The following ATRN variants were observed in gnomAD, a reference collection of about 807,000 sequenced individuals.
The protein encoded by ATRN is attractin.
ATRN carries 54 observed loss-of-function variants against 178.7 expected under a neutral mutation model. The observed-to-expected ratio is 0.30, with a 90% CI of 0.24 to 0.38. The LOEUF is 0.38. Among genes scored for constraint, ATRN ranks in the 10% least tolerant of loss-of-function variants. The pLI, the probability that ATRN is intolerant of heterozygous loss-of-function variation, is 1.00. For missense variants in ATRN, 1,443 were observed against 1,815.1 expected (o/e 0.79, Z 3.73); for synonymous variants, 636 against 663.0 (o/e 0.96, Z 0.63).
chr20:3,578,687 A>G lies in ATRN; in HGVS notation c.2459A>G (p.Asn820Ser), dbSNP rs775375659. 1.6e-4 allele frequency: 254 copies of G among 1,614,052 alleles called. 1 individual carries two copies. Among genetic ancestry groups the G allele is most frequent in the Admixed American group, 9.8e-4 (59 of 60,008 alleles). Residue 820 changes from asparagine (N) to serine (S), a missense_variant, in exon 15 of 29, where the codon AAT becomes AGT. Coordinates refer to ENST00000262919, the MANE Select transcript of ATRN (RefSeq NM_139321.3). The stretch of plus-strand genomic sequence containing the variant: ...GCTAAATTGTTCTGTAGGAACCACA[A>G]TGCCCTTTTGGCTTCTCTTACAACC... ...DNAKLFCRNH[N>S]ALLASLTTQK... is the part of the protein sequence containing the mutation.
chr20:3,644,332 C>A, intron 28 of ATRN, 64 bp downstream of exon 28: 1 of 1,326,472 alleles, frequency 7.5e-7, no homozygotes, highest in Non-Finnish European at 1.1e-6. Context: ...GCATGGGATA[C>A]TTCCCTTTCC....
intron 1 of ATRN, among the ~76,000 whole-genome samples, chr20:3,529,526 G>C (rs1441078693): frequency 6.6e-6 from 1 of 152,178 alleles, no homozygotes; most frequent in African/African-American, 2.4e-5. Flanking sequence ...ACAATACTTA[G>C]AAAAGTTATG....
chr20:3,584,509 T>G (rs1296657608), intron 17 of ATRN, 138 bp from the exon 18 acceptor site: 3 of 689,578 alleles, frequency 4.4e-6, no homozygotes, highest in South Asian at 3.9e-5. Flanking sequence ...GCTCTTTACA[T>G]TCATTATCTC....
At chr20:3,643,076 TG>T (rs2146327733) in intron 27 of ATRN, among the ~76,000 whole-genome samples, 1 of 152,258 alleles carries the variant, frequency 6.6e-6, no homozygotes, top group African/African-American at 2.4e-5. Context: ...TCCTCCCTCC[TG>T]GGTCTCCCAA....
intron 1 of ATRN, among the ~76,000 whole-genome samples, chr20:3,523,649 G>T (rs1213740303): frequency 2.0e-5 from 3 of 152,168 alleles, no homozygotes; most frequent in Non-Finnish European, 4.4e-5. Flanking sequence ...AGGAAAAAGT[G>T]TTAAGGGCAG....
At chr20:3,482,087 T>C (rs1464405450) in intron 1 of ATRN, among the ~76,000 whole-genome samples, 1 of 151,894 alleles carries the variant, frequency 6.6e-6, no homozygotes, top group East Asian at 1.9e-4. Context: ...TTTTAAAAAA[T>C]GTATCCTGTT....
intron 1 of ATRN, among the ~76,000 whole-genome samples, chr20:3,523,433 G>C (rs1229109253): frequency 2.0e-5 from 3 of 152,030 alleles, no homozygotes; most frequent in Non-Finnish European, 4.4e-5. Flanking sequence ...GACCAAACCT[G>C]CGTTTGATTG....
intron 11 of ATRN, among the ~76,000 whole-genome samples, chr20:3,569,792 CA>C (rs751863948): frequency 3.9e-5 from 6 of 152,066 alleles, no homozygotes; most frequent in Non-Finnish European, 5.9e-5. Context: ...TTCTTTAAGC[CA>C]GGGGTGGTGG....
chr20:3,521,328 A>G (rs771257553), intron 1 of ATRN, among the ~76,000 whole-genome samples: 3 of 152,148 alleles, frequency 2.0e-5, no homozygotes, highest in Non-Finnish European at 4.4e-5. Context: ...TGAATCTAAA[A>G]TAAAAGTCAA....
rs781729813 is a variant in ATRN, at chr20:3,604,091, T to C, written c.3644-14T>C. 2 of 1,565,068 alleles carry C rather than the reference T, an allele frequency of 1.3e-6. No individual in the cohort carries two copies. The highest frequency in any genetic ancestry group is 1.7e-6 in the Non-Finnish European group (2 of 1,162,312). On this transcript the variant is annotated splice_polypyrimidine_tract_variant and intron_variant, in intron 23 of 28. Coordinates refer to ENST00000262919, the MANE Select transcript of ATRN (RefSeq NM_139321.3). The stretch of plus-strand genomic sequence containing the variant: ...AAAAAATGTCTCTTCTCTTTCATGT[T>C]TTTCTTTTAACAGCTGGAACCCAGG...
chr20:3,501,140 G>T (rs905347030), intron 1 of ATRN, among the ~76,000 whole-genome samples: 10 of 152,082 alleles, frequency 6.6e-5, no homozygotes, highest in Non-Finnish European at 1.5e-4. Flanking sequence ...AGCATGCATT[G>T]TTAAGTAAAA....
chr20:3,601,778 C>T (rs2086612335), intron 23 of ATRN, among the ~76,000 whole-genome samples: 1 of 146,692 alleles, frequency 6.8e-6, no homozygotes, highest in Non-Finnish European at 1.5e-5. Context: ...ATGAGAGGAT[C>T]ACTTGAGCCC....
At chr20:3,575,984 C>T (rs749800843) in intron 13 of ATRN, 36 bp downstream of exon 13, 1 of 1,606,366 alleles carries the variant, frequency 6.2e-7, no homozygotes, top group East Asian at 2.2e-5. Context: ...CAGAAAAATC[C>T]CAATTTGTCA....
At chr20:3,496,854 G>T in intron 1 of ATRN, among the ~76,000 whole-genome samples, 1 of 150,252 alleles carries the variant, frequency 6.7e-6, no homozygotes, top group Non-Finnish European at 1.5e-5. Context: ...CCTGTATTGG[G>T]TGCATATATA....
chr20:3,604,148 C>T lies in ATRN; in HGVS notation c.3687C>T (p.Thr1229=). 1 of 1,601,336 alleles carries T rather than the reference C, an allele frequency of 6.2e-7. No individual in the cohort carries two copies. Among genetic ancestry groups the T allele is most frequent in the Non-Finnish European group, 8.5e-7 (1 of 1,176,608 alleles). ...AAGAGATGCCTGTTGTTTCAAAAACCAACATTAAGGAGTACAAAGATAGTT... is the reference window on the plus strand; with the variant it reads ...AAGAGATGCCTGTTGTTTCAAAAACTAACATTAAGGAGTACAAAGATAGTT... ...AGEEMPVVSK[T]NIKEYKDSFS... is the part of the protein sequence containing the mutation. The change falls in exon 24 of 29, where the codon ACC becomes ACT. Residue 1229 remains threonine, a synonymous_variant. Transcript: ENST00000262919.
intron 3 of ATRN, among the ~76,000 whole-genome samples, chr20:3,543,194 A>G (rs1034873644): frequency 4.6e-5 from 7 of 152,070 alleles, no homozygotes; most frequent in African/African-American, 1.7e-4. Flanking sequence ...TTACGTATAC[A>G]CACACCTGTG....
At chr20:3,493,213 C>G (rs1173690706) in intron 1 of ATRN, among the ~76,000 whole-genome samples, 3 of 150,734 alleles carry the variant, frequency 2.0e-5, no homozygotes, top group Non-Finnish European at 4.4e-5. Context: ...AGTGCAGTGG[C>G]ATGATCTATA....
chr20:3,624,669 G>T, intron 25 of ATRN, 97 bp downstream of exon 25: 1 of 1,034,488 alleles, frequency 9.7e-7, no homozygotes, highest in Non-Finnish European at 1.5e-6. Flanking sequence ...GAATAATCCT[G>T]TGTTTCCACC....
At position 3,632,959 on chromosome 20, in the gene ATRN, G is replaced by A. The variant is rs2670302; in HGVS notation, c.3864-1352G>A. ...AGACTGGCCAACGTGGTGAAACCTC[G>A]TCTCCACTAAAAATACAAAAATTAG... On this transcript the variant is annotated intron_variant, in intron 25 of 28. Coordinates refer to ENST00000262919, the MANE Select transcript of ATRN (RefSeq NM_139321.3). The surrounding 1 kb of genome is among the most constrained non-coding windows in gnomAD (Gnocchi z 4.2). Among the ~76,000 whole-genome samples the A allele has an allele frequency of 0.44, 67,410 of 151,974 alleles. 15,907 individuals are homozygous for A. The highest frequency in any genetic ancestry group is 0.61 in the African/African-American group (25,177 of 41,442).
Sources: allele counts gnomAD v4.1 joint callset (sites outside exome capture counted in the v4.1 genomes callset), GRCh38; gene constraint gnomAD v4.1.1; non-coding constraint Gnocchi (gnomAD v3.1); transcripts MANE v1.5; gene names NCBI Gene and HGNC (gene_info 2026-07-23, HGNC 2026-07-21).